PDE1C: variants seen among roughly 807,000 people sequenced by gnomAD.
PDE1C encodes dual specificity calcium/calmodulin-dependent 3',5'-cyclic nucleotide phosphodiesterase 1C.
PDE1C carries 62 observed loss-of-function variants against 93.1 expected under a neutral mutation model. That is an observed-to-expected ratio of 0.67 (90% confidence interval 0.54 to 0.82). The LOEUF is 0.82. Among genes scored for constraint, PDE1C ranks in the 40% least tolerant of loss-of-function variants. The pLI is 0.00. For missense variants in PDE1C, 742 were observed against 884.6 expected (o/e 0.84, Z 2.04); for synonymous variants, 325 against 310.1 (o/e 1.05, Z -0.50).
At chr7:31,984,597 C>T (rs1783125567) in intron 2 of PDE1C, among the ~76,000 whole-genome samples, 2 of 152,104 alleles carry the variant, frequency 1.3e-5, no homozygotes, top group South Asian at 4.1e-4. Context: ...CAAGGAGACC[C>T]AAATTTTCAC....
the PDE1C span, chr7:31,643,408 A>C: frequency 6.2e-7 from 1 of 1,613,978 alleles, no homozygotes; most frequent in Non-Finnish European, 8.5e-7. Flanking sequence ...GGTGAAGTCA[A>C]GGTCTGGTAC....
rs1180195472 is a variant in PDE1C at position 32,350,547 on chromosome 7, AATATATATATATATAT to A, written c.310+77259_310+77274del. ...TAAGGTCTATGCATGGCATTTGACTAATATATATATATATATATATATATATATATATATATATATA... is the reference window on the plus strand; with the variant it reads ...TAAGGTCTATGCATGGCATTTGACTAATATATATATATATATATATATATA... On this transcript the variant is annotated intron_variant, in intron 1 of 1. Transcript: ENST00000672256. 2.2e-3 allele frequency among the ~76,000 whole-genome samples: 90 copies of A among 41,040 alleles called. 19 individuals carry two copies. Among genetic ancestry groups the A allele is most frequent in the African/African-American group, 9.9e-3 (84 of 8,474 alleles). The allele number at this position is 41,040 out of a possible 152,430, so 26.9% of individuals were successfully genotyped here.
At chr7:32,345,126 G>A (rs191393969) in intron 1 of PDE1C, among the ~76,000 whole-genome samples, 2 of 152,168 alleles carry the variant, frequency 1.3e-5, no homozygotes, top group African/African-American at 4.8e-5. Flanking sequence ...TCCTCACACA[G>A]GGCCTCAGGA....
chr7:32,312,226 C>T (rs1455011013), intron 1 of PDE1C, among the ~76,000 whole-genome samples: 1 of 152,186 alleles, frequency 6.6e-6, no homozygotes, highest in Non-Finnish European at 1.5e-5. Context: ...TCAACAAGAA[C>T]TACAAACCAC....
intron 1 of PDE1C, among the ~76,000 whole-genome samples, chr7:32,241,657 G>T (rs1349557825): frequency 6.6e-6 from 1 of 152,146 alleles, no homozygotes; most frequent in Non-Finnish European, 1.5e-5. Context: ...AAAAATGGAG[G>T]CCATTAGAGC....
At chr7:32,362,215 G>A (rs551624766) in intron 1 of PDE1C, among the ~76,000 whole-genome samples, 17 of 152,282 alleles carry the variant, frequency 1.1e-4, no homozygotes, top group South Asian at 4.1e-4. Flanking sequence ...CCTCAGAGGC[G>A]TGTGTGCATG....
intron 2 of PDE1C, among the ~76,000 whole-genome samples, chr7:31,953,628 T>C (rs571880118): frequency 2.6e-5 from 4 of 152,288 alleles, no homozygotes; most frequent in African/African-American, 9.6e-5. Flanking sequence ...CACCAGGCAC[T>C]TTGACACAGG....
At chr7:32,337,896 C>T (rs1318155623) in intron 1 of PDE1C, among the ~76,000 whole-genome samples, 1 of 152,144 alleles carries the variant, frequency 6.6e-6, no homozygotes, top group Non-Finnish European at 1.5e-5. Flanking sequence ...GTCTTTTCAA[C>T]AAGTGGTGCT....
At chr7:32,107,936 G>A (rs1046406030) in intron 3 of PDE1C, among the ~76,000 whole-genome samples, 1 of 151,724 alleles carries the variant, frequency 6.6e-6, no homozygotes, top group Non-Finnish European at 1.5e-5. Context: ...AAGTGGATTT[G>A]GATCTGTTGT....
intron 2 of PDE1C, among the ~76,000 whole-genome samples, chr7:32,205,770 C>T (rs1451079332): frequency 6.6e-6 from 1 of 152,144 alleles, no homozygotes; most frequent in Non-Finnish European, 1.5e-5. Flanking sequence ...CATGAAGCAA[C>T]CCCAAGGAAA....
chr7:32,324,971 A>C (rs1359321617), intron 1 of PDE1C, among the ~76,000 whole-genome samples: 5 of 152,122 alleles, frequency 3.3e-5, no homozygotes, highest in Non-Finnish European at 7.4e-5. Context: ...ATGCTGATGC[A>C]CTCTGTGAAA....
chr7:31,996,165 G>A (rs1784703760), intron 2 of PDE1C, among the ~76,000 whole-genome samples: 1 of 151,576 alleles, frequency 6.6e-6, no homozygotes, highest in Non-Finnish European at 1.5e-5. Context: ...TGGCAACATA[G>A]GTCTCCCTTG....
At chr7:32,424,678 G>A (rs1785495707) in intron 1 of PDE1C, among the ~76,000 whole-genome samples, 1 of 152,042 alleles carries the variant, frequency 6.6e-6, no homozygotes, top group Non-Finnish European at 1.5e-5. Flanking sequence ...TGGGTGTGTT[G>A]GTGCATGCCT....
At chr7:32,363,054 T>C (rs1784164349) in intron 1 of PDE1C, among the ~76,000 whole-genome samples, 1 of 152,244 alleles carries the variant, frequency 6.6e-6, no homozygotes, top group African/African-American at 2.4e-5. Context: ...ATTCACTGTG[T>C]GCCAAGCACC....
chr7:32,290,703 C>T (rs916019415), intron 1 of PDE1C, among the ~76,000 whole-genome samples: 2 of 152,140 alleles, frequency 1.3e-5, no homozygotes, highest in Non-Finnish European at 2.9e-5. Context: ...GCTAGGGACT[C>T]GCTTTGCAAA....
intron 1 of PDE1C, among the ~76,000 whole-genome samples, chr7:32,224,860 C>T (rs552715668): frequency 3.9e-4 from 60 of 151,938 alleles, no homozygotes; most frequent in African/African-American, 1.4e-3. Flanking sequence ...ATGTTCAGCA[C>T]CTTTGATCTT....
intron 2 of PDE1C, among the ~76,000 whole-genome samples, chr7:31,998,472 G>A (rs374212126): frequency 2.6e-5 from 4 of 152,092 alleles, no homozygotes; most frequent in African/African-American, 9.7e-5. Flanking sequence ...TTCCTGCAAA[G>A]GAAACCAAAG....
At chr7:31,902,909 G>C (rs1800161030) in intron 2 of PDE1C, among the ~76,000 whole-genome samples, 1 of 151,614 alleles carries the variant, frequency 6.6e-6, no homozygotes, top group Non-Finnish European at 1.5e-5. Context: ...CTACATAATA[G>C]ATCTGTCCTA....
chr7:31,687,795 G>A, the PDE1C span, among the ~76,000 whole-genome samples: 4 of 152,246 alleles, frequency 2.6e-5, no homozygotes, highest in South Asian at 6.2e-4. Flanking sequence ...ATTTTACATA[G>A]CCAGAGGGTG....
Sources: gnomAD v4.1 joint callset for allele counts (sites outside exome capture counted in the v4.1 genomes callset) on GRCh38, gnomAD v4.1.1 for gene constraint, MANE v1.5 for transcripts, NCBI Gene and HGNC (gene_info 2026-07-23, HGNC 2026-07-21) for gene names.